Variants in CADPS2 observed in about 807,000 individuals in gnomAD.
CADPS2 encodes the protein calcium-dependent secretion activator 2.
Under a neutral mutation model 172.5 loss-of-function variants are expected in CADPS2, and 93 were observed. That is an observed-to-expected ratio of 0.54 (90% CI 0.46 to 0.64). The LOEUF (loss-of-function observed/expected upper bound fraction) is 0.64. Among genes scored for constraint, CADPS2 ranks in the 30% least tolerant of loss-of-function variants. The pLI is 0.00. For missense variants in CADPS2, 1,420 were observed against 1,565.9 expected, an observed-to-expected ratio of 0.91 and a Z score of 1.57; for synonymous variants, 546 against 555.2, an observed-to-expected ratio of 0.98 and a Z score of 0.23.
chr7:122,438,449 T>C lies in CADPS2; in HGVS notation c.2368A>G (p.Ile790Val). 3 of 1,612,790 alleles carry C rather than the reference T, an allele frequency of 1.9e-6. No individual in the cohort carries two copies. The highest frequency in any genetic ancestry group is 2.5e-6 in the Non-Finnish European group (3 of 1,179,218). The part of the protein sequence containing the change: ...SLLERVLMKD[I>V]ATPIPAEEVK... ...TCTTCTGCTGGTATGGGAGTGGCAA[T>C]ATCTTTCATTAAAACCTACAGAGAG... is the stretch of plus-strand genomic sequence containing the variant. The change falls in exon 17 of 30, where the codon ATT becomes GTT. Residue 790 changes from isoleucine (I) to valine (V), a missense_variant. Ile to Val is a conservative substitution (Grantham distance 29). Transcript: ENST00000449022.
At chr7:122,360,903 C>A (rs376738661) in intron 26 of CADPS2, 27 bp downstream of exon 26, 12 of 1,609,032 alleles carry the variant, frequency 7.5e-6, no homozygotes, top group South Asian at 1.1e-5. Context: ...TAAAAGACCA[C>A]AGAAGAGAAC....
intron 12 of CADPS2, among the ~76,000 whole-genome samples, chr7:122,477,273 G>A (rs1400533174): frequency 6.6e-6 from 1 of 152,136 alleles, no homozygotes; most frequent in Non-Finnish European, 1.5e-5. Context: ...AGCACTTTGG[G>A]AGGCCGAGGT....
chr7:122,528,010 G>T (rs1277956613), intron 8 of CADPS2, among the ~76,000 whole-genome samples: 1 of 151,968 alleles, frequency 6.6e-6, no homozygotes, highest in African/African-American at 2.4e-5. Context: ...AGCAATATTA[G>T]CTCCCTTGCT....
chr7:122,480,754 G>A (rs1027677856), intron 12 of CADPS2, 98 bp downstream of exon 12: 12 of 759,734 alleles, frequency 1.6e-5, no homozygotes, highest in Non-Finnish European at 2.2e-5. Flanking sequence ...TAGAAAGTAG[G>A]GGATTGATCC....
chr7:122,448,522 A>G (rs1038163162), intron 15 of CADPS2, among the ~76,000 whole-genome samples: 3 of 152,360 alleles, frequency 2.0e-5, no homozygotes, highest in East Asian at 3.9e-4. Context: ...AAACTTTAAG[A>G]GAGGACAGGA....
At chr7:122,878,639 C>CAAAT (rs59190953) in intron 1 of CADPS2, among the ~76,000 whole-genome samples, 8,993 of 138,888 alleles carry the variant, frequency 0.065, 362 homozygotes, top group Admixed American at 0.12. Flanking sequence ...GACTCTGTCT[C>CAAAT]AAATAAATAA....
intron 1 of CADPS2, among the ~76,000 whole-genome samples, chr7:122,835,001 G>C (rs190893402): frequency 6.6e-6 from 1 of 152,160 alleles, no homozygotes; most frequent in African/African-American, 2.4e-5. Flanking sequence ...GTGGGTCCCT[G>C]ACGCCCGAGT....
intron 6 of CADPS2, among the ~76,000 whole-genome samples, chr7:122,590,459 C>A (rs765985230): frequency 1.3e-5 from 2 of 151,968 alleles, no homozygotes; most frequent in Non-Finnish European, 2.9e-5. Context: ...TTATGTAATT[C>A]TTTTCAAGAC....
chr7:122,886,160 T>G lies in CADPS2; in HGVS notation c.178A>C (p.Ser60Arg). The change falls in exon 1 of 30, where the codon AGC (serine) becomes CGC (arginine). Residue 60 changes from serine to arginine, a missense_variant. Coordinates refer to ENST00000449022, the MANE Select transcript of CADPS2 (RefSeq NM_017954.11). ...CGCCCCTCGCTGAGCACAGAGGGGCTCGGGCTCACAGATCTGGCCGCGCCG... is the reference window on the plus strand; with the variant it reads ...CGCCCCTCGCTGAGCACAGAGGGGCGCGGGCTCACAGATCTGGCCGCGCCG... ...GGGAARSVSP[S>R]PSVLSEGRDE... The G allele has an allele frequency of 6.5e-7, 1 of 1,533,360 alleles. No individual in the cohort carries two copies. The highest frequency in any genetic ancestry group is 1.4e-5 in the African/African-American group (1 of 71,142). 95.0% of individuals were successfully genotyped at this position (1,533,360 alleles called of 1,614,324 possible). A position where few individuals can be genotyped will look rare whatever the true frequency, so the allele number is the denominator to read the frequency against.
At chr7:122,610,884 A>G (rs571045441) in intron 6 of CADPS2, among the ~76,000 whole-genome samples, 15 of 152,246 alleles carry the variant, frequency 9.9e-5, no homozygotes, top group African/African-American at 3.6e-4. Flanking sequence ...AACTGGCAAG[A>G]CTTCAATTCT....
intron 9 of CADPS2, among the ~76,000 whole-genome samples, chr7:122,502,278 T>C (rs2059267826): frequency 6.6e-6 from 1 of 152,196 alleles, no homozygotes; most frequent in African/African-American, 2.4e-5. Flanking sequence ...TTCTCTTAAA[T>C]TTCACTAACT....
intron 6 of CADPS2, among the ~76,000 whole-genome samples, chr7:122,594,264 G>C (rs1233778049): frequency 6.6e-6 from 1 of 151,220 alleles, no homozygotes; most frequent in African/African-American, 2.5e-5. Flanking sequence ...GTGAGACCCA[G>C]TCTCAAAAAG....
chr7:122,541,719 A>G (rs1476208300), intron 8 of CADPS2, among the ~76,000 whole-genome samples: 4 of 145,736 alleles, frequency 2.7e-5, no homozygotes, highest in Non-Finnish European at 6.0e-5. Flanking sequence ...ATATTTACAT[A>G]TATTCATATA....
intron 8 of CADPS2, among the ~76,000 whole-genome samples, chr7:122,525,817 G>A (rs759747303): frequency 2.6e-5 from 4 of 152,068 alleles, no homozygotes; most frequent in Non-Finnish European, 5.9e-5. Context: ...GGGCTACATG[G>A]TACAGCCCAT....
intron 1 of CADPS2, among the ~76,000 whole-genome samples, chr7:122,776,978 C>T (rs1265362823): frequency 6.6e-6 from 1 of 151,952 alleles, no homozygotes; most frequent in Admixed American, 6.6e-5. Context: ...TAGTGTGACC[C>T]CATCTCTACA....
intron 6 of CADPS2, among the ~76,000 whole-genome samples, chr7:122,609,505 T>G (rs2074023698): frequency 6.6e-6 from 1 of 152,118 alleles, no homozygotes; most frequent in Non-Finnish European, 1.5e-5. Flanking sequence ...TCTCCATAAC[T>G]GAAAAATACA....
chr7:122,470,279 T>TA (rs776875857), intron 14 of CADPS2, among the ~76,000 whole-genome samples: 5 of 151,686 alleles, frequency 3.3e-5, no homozygotes, highest in Non-Finnish European at 7.4e-5. Flanking sequence ...AATGGAAATG[T>TA]AAAAAAGAGA....
At chr7:122,423,774 GA>G (rs1340738741) in intron 17 of CADPS2, among the ~76,000 whole-genome samples, 1 of 152,138 alleles carries the variant, frequency 6.6e-6, no homozygotes, top group Non-Finnish European at 1.5e-5. Context: ...GCATCATTCC[GA>G]ATTTCTGATT....
chr7:122,833,870 A>C (rs1292005018), intron 1 of CADPS2, among the ~76,000 whole-genome samples: 1 of 152,232 alleles, frequency 6.6e-6, no homozygotes, highest in Non-Finnish European at 1.5e-5. Context: ...AGCACAGTTT[A>C]AATTAACAAT....
Sources: gnomAD v4.1 joint callset for allele counts (sites outside exome capture counted in the v4.1 genomes callset) on GRCh38, gnomAD v4.1.1 for gene constraint, MANE v1.5 for transcripts, NCBI Gene and HGNC (gene_info 2026-07-23, HGNC 2026-07-21) for gene names.